Variants in WDR17 observed in about 807,000 individuals in gnomAD.
The protein encoded by WDR17 is WD repeat-containing protein 17.
A neutral mutation model predicts 161.7 loss-of-function variants in WDR17; 143 were observed. The ratio of observed to expected loss-of-function variants is 0.88; its 90% confidence interval spans 0.77 to 1.02. The LOEUF is 1.02. Among genes scored for constraint, WDR17 ranks in the 50% least tolerant of loss-of-function variants. WDR17 has a pLI of 0.00. For synonymous variants in WDR17, 517 were observed against 515.6 expected (o/e 1.00, Z -0.04); for missense variants, 1,469 against 1,520.9 (o/e 0.97, Z 0.57).
intron 1 of WDR17, among the ~76,000 whole-genome samples, chr4:176,102,551 T>C (rs1441198853): frequency 3.9e-5 from 6 of 152,350 alleles, no homozygotes; most frequent in African/African-American, 1.4e-4. Context: ...CATGGATGTT[T>C]ATAGCAGCTT....
At chr4:176,173,641 C>T (rs111782689) in intron 25 of WDR17, among the ~76,000 whole-genome samples, 2,400 of 152,156 alleles carry the variant, frequency 0.016, 72 homozygotes, top group African/African-American at 0.055. Context: ...CTCAGCCTCC[C>T]GCGTAGCTGG....
intron 1 of WDR17, among the ~76,000 whole-genome samples, chr4:176,106,868 G>A (rs1205675072): frequency 6.6e-6 from 1 of 152,118 alleles, no homozygotes; most frequent in Non-Finnish European, 1.5e-5. Context: ...GCAGGATCAC[G>A]TGAGCCTAGG....
intron 10 of WDR17, 29 bp from the exon 11 acceptor site, chr4:176,141,954 T>C: frequency 1.3e-6 from 2 of 1,486,422 alleles, no homozygotes; most frequent in South Asian, 2.5e-5. Flanking sequence ...AGTATTGTTT[T>C]TCTATTAACA....
intron 10 of WDR17, among the ~76,000 whole-genome samples, chr4:176,140,703 A>G (rs977280261): frequency 1.4e-4 from 21 of 152,204 alleles, no homozygotes; most frequent in Middle Eastern, 3.4e-3. Flanking sequence ...TGCTAAAGCC[A>G]CTCCAGTCTT....
intron 11 of WDR17, among the ~76,000 whole-genome samples, 186 bp from the exon 12 acceptor site, chr4:176,145,809 T>G (rs780066506): frequency 5.9e-5 from 9 of 152,242 alleles, no homozygotes; most frequent in Non-Finnish European, 1.3e-4. Context: ...CACACCATAC[T>G]GGTGCAGTTT....
At chr4:176,083,475 A>C (rs1236552752) in intron 1 of WDR17, among the ~76,000 whole-genome samples, 1 of 152,080 alleles carries the variant, frequency 6.6e-6, no homozygotes, top group Non-Finnish European at 1.5e-5. Flanking sequence ...TATTATTTTT[A>C]TATCTGGCTT....
In WDR17 at chr4:176,160,923, G is replaced by A. The variant is rs781662175; in HGVS notation, c.2671G>A (p.Gly891Arg). The A allele has an allele frequency of 4.6e-5, 73 of 1,594,418 alleles. No homozygotes were observed. In the East Asian group the frequency reaches 1.6e-3, roughly 35 times the overall value. Reference protein sequence around the residue: ...ALLVAQAACEGNMQPLHVSVP... With the variant: ...ALLVAQAACERNMQPLHVSVP... ...AATTAAATTCTAGGCTGCTTGTGAAGGAAATATGCAGCCCTTACATGTTTC... is the reference window on the plus strand; with the variant it reads ...AATTAAATTCTAGGCTGCTTGTGAAAGAAATATGCAGCCCTTACATGTTTC... The change falls in exon 20 of 29, where the codon GGA (glycine) becomes AGA (arginine). Residue 891 changes from glycine (G) to arginine (R), a missense_variant. Transcript: ENST00000508596.
intron 1 of WDR17, among the ~76,000 whole-genome samples, chr4:176,091,949 G>A (rs967787889): frequency 6.6e-5 from 10 of 152,022 alleles, no homozygotes; most frequent in Non-Finnish European, 8.8e-5. Context: ...ATATCAAAAC[G>A]ATAATAAAAA....
At chr4:176,088,268 G>C (rs1278073222) in intron 1 of WDR17, among the ~76,000 whole-genome samples, 1 of 152,100 alleles carries the variant, frequency 6.6e-6, no homozygotes, top group Non-Finnish European at 1.5e-5. Context: ...GAGAAGCACA[G>C]TATATACTTT....
intron 1 of WDR17, among the ~76,000 whole-genome samples, chr4:176,081,411 A>G (rs1388773316): frequency 2.0e-5 from 3 of 151,784 alleles, no homozygotes; most frequent in Non-Finnish European, 1.5e-5. Context: ...CAAAGTTCCA[A>G]CCTCACCTTT....
intron 11 of WDR17, 69 bp from the exon 12 acceptor site, chr4:176,145,926 G>A (rs1047882004): frequency 7.2e-7 from 1 of 1,386,342 alleles, no homozygotes; most frequent in Non-Finnish European, 9.8e-7. Context: ...TTAGAACTAT[G>A]GTATACCTTT....
intron 1 of WDR17, among the ~76,000 whole-genome samples, chr4:176,089,653 G>C (rs1039226599): frequency 6.6e-6 from 1 of 152,102 alleles, no homozygotes; most frequent in Non-Finnish European, 1.5e-5. Flanking sequence ...TATGAGTGCC[G>C]AGTGTAGTAT....
chr4:176,111,736 T>C (rs758184752), intron 2 of WDR17, 33 bp downstream of exon 2: 2 of 1,506,320 alleles, frequency 1.3e-6, no homozygotes, highest in Non-Finnish European at 1.8e-6. Context: ...TTTTTAATTA[T>C]ATCCGGTAAA....
intron 1 of WDR17, among the ~76,000 whole-genome samples, chr4:176,100,881 G>T (rs1392752719): frequency 6.6e-6 from 1 of 151,990 alleles, no homozygotes; most frequent in East Asian, 1.9e-4. Flanking sequence ...CCTTGTTAAA[G>T]ATCAATTCAC....
chr4:176,079,568 G>A (rs1471078453), intron 1 of WDR17, among the ~76,000 whole-genome samples: 1 of 152,118 alleles, frequency 6.6e-6, no homozygotes, highest in African/African-American at 2.4e-5. Context: ...CAAATGGAAT[G>A]TCTCTATCAC....
At chr4:176,093,982 T>C (rs963926443) in intron 1 of WDR17, among the ~76,000 whole-genome samples, 1 of 152,208 alleles carries the variant, frequency 6.6e-6, no homozygotes, top group African/African-American at 2.4e-5. Flanking sequence ...ATAAGAACTA[T>C]TATATGCTCT....
chr4:176,158,148 T>C (rs1301084733), intron 18 of WDR17, among the ~76,000 whole-genome samples: 1 of 152,198 alleles, frequency 6.6e-6, no homozygotes, highest in East Asian at 1.9e-4. Context: ...TAGAAAGTGA[T>C]GTGATCAATT....
chr4:176,076,331 A>G (rs1734014199), intron 1 of WDR17, among the ~76,000 whole-genome samples: 1 of 141,936 alleles, frequency 7.0e-6, no homozygotes, highest in South Asian at 2.2e-4. Context: ...AAATATGTAT[A>G]TTGCTTAAAA....
rs372773482 is a variant in WDR17 at position 176,116,153 on chromosome 4, A to T, written c.307+174A>T. 1.7e-4 allele frequency among the ~76,000 whole-genome samples: 26 copies of T among 152,040 alleles called. 1 individual carries two copies. In the East Asian group the frequency reaches 5.0e-3, roughly 29 times the overall value. On this transcript the variant is annotated intron_variant, in intron 3 of 28. Transcript: ENST00000508596. ...TGCCCATAGGTACAAAGCTGAAACA[A>T]AATTTCATGAAATAATTATACGTAG...
Sources: gnomAD v4.1 joint callset for allele counts (sites outside exome capture counted in the v4.1 genomes callset) on GRCh38, gnomAD v4.1.1 for gene constraint, MANE v1.5 for transcripts, NCBI Gene and HGNC (gene_info 2026-07-23, HGNC 2026-07-21) for gene names.